Variants in TNFRSF9 observed in about 807,000 individuals in gnomAD.
The protein encoded by TNFRSF9 is tumor necrosis factor receptor superfamily member 9.
A neutral mutation model predicts 28.8 loss-of-function variants in TNFRSF9; 16 were observed. That is an observed-to-expected ratio of 0.55 (90% CI 0.38 to 0.84). The LOEUF (loss-of-function observed/expected upper bound fraction) is 0.84. Ranked by LOEUF, TNFRSF9 falls within the 40% of genes least tolerant of loss-of-function variation. The pLI is 0.00. For missense variants in TNFRSF9, 303 were observed against 315.0 expected, an observed-to-expected ratio of 0.96 and a Z score of 0.29; for synonymous variants, 131 against 117.0, an observed-to-expected ratio of 1.12 and a Z score of -0.77.
chr1:7,923,962 A>C (rs1477826469), intron 7 of TNFRSF9, among the ~76,000 whole-genome samples: 1 of 152,174 alleles, frequency 6.6e-6, no homozygotes, highest in African/African-American at 2.4e-5. Flanking sequence ...GAGACATACT[A>C]TGTTCCTGCA....
rs376451216 is a variant in TNFRSF9 at position 7,933,253 on chromosome 1, C to T, written c.588G>A (p.Ser196=). The change falls in exon 7 of 8, where the codon TCG becomes TCA. Residue 196 remains serine, a synonymous_variant. Transcript: ENST00000377507. The part of the protein sequence containing the change: ...QIISFFLALT[S]TALLFLLFFL... The stretch of plus-strand genomic sequence containing the variant: ...AGAACAGCAGGAAGAGCAACGCAGT[C>T]GACGTCAGCGCAAGAAAGAAGGAGA... 1.8e-5 allele frequency: 29 copies of T among 1,613,666 alleles called. No individual in the cohort carries two copies. Among genetic ancestry groups the T allele is most frequent in the African/African-American group, 1.2e-4 (9 of 74,884 alleles).
intron 7 of TNFRSF9, among the ~76,000 whole-genome samples, chr1:7,926,835 T>C (rs1341033474): frequency 1.3e-5 from 2 of 152,208 alleles, no homozygotes; most frequent in African/African-American, 4.8e-5. Context: ...TGTTTTCCAC[T>C]AGTGGTGCTA....
At position 7,935,006 on chromosome 1, in the gene TNFRSF9, C is replaced by A. The variant is rs1434417143; in HGVS notation, c.544+7G>T. The A allele has an allele frequency of 6.8e-6, 11 of 1,613,936 alleles. No homozygotes were observed. Among genetic ancestry groups the A allele is most frequent in the Non-Finnish European group, 9.3e-6 (11 of 1,179,944 alleles). ...CGCACTTTGGCGTAAAGGCATAGCC[C>A]AGTTACCTGGCTCTCTCGCAGGGGC... On this transcript the variant is annotated splice_region_variant and intron_variant, in intron 6 of 7. Transcript: ENST00000377507.
chr1:7,937,828 C>T, intron 4 of TNFRSF9, 72 bp from the exon 5 acceptor site: 2 of 1,346,182 alleles, frequency 1.5e-6, no homozygotes, highest in Non-Finnish European at 2.1e-6. Context: ...CTGTGATGAA[C>T]TTAATATAAG....
At chr1:7,939,432 T>A (rs1188794021) in intron 2 of TNFRSF9, among the ~76,000 whole-genome samples, 1 of 151,882 alleles carries the variant, frequency 6.6e-6, no homozygotes, top group Non-Finnish European at 1.5e-5. Context: ...AAAATGATTA[T>A]CTTGATTGAT....
Position 7,916,430 on chromosome 1 carries a change from A to T in TNFRSF9, c.*4405T>A, listed in dbSNP as rs542063225. The T allele has an allele frequency of 8.5e-5, 13 of 152,248 alleles. No individual in the cohort carries two copies. Among genetic ancestry groups the T allele is most frequent in the Non-Finnish European group, 1.9e-4 (13 of 68,044 alleles). 9.4% of individuals were successfully genotyped at this position (152,248 alleles called of 1,614,324 possible). On this transcript the variant is annotated 3_prime_UTR_variant, in exon 8 of 8. Coordinates refer to ENST00000377507, the MANE Select transcript of TNFRSF9 (RefSeq NM_001561.6). ...TACCAGAATAGGCTATGATAAAAAT[A>T]TCACAGTCTGTATCATAAACATAGC...
Position 7,938,824 on chromosome 1 carries a change from T to G in TNFRSF9, c.105A>C (p.Thr35=). The change falls in exon 3 of 8, where the codon ACA becomes ACC. Residue 35 remains threonine (T), a synonymous_variant. Transcript: ENST00000377507. ...TCTGATTCCTGTTATTATCACAGAA[T>G]GTACCTAAGAAAGGCAGACAATAGT... The part of the protein sequence containing the change: ...QDPCSNCPAG[T]FCDNNRNQIC... The G allele has an allele frequency of 1.9e-6, 3 of 1,611,290 alleles. No homozygotes were observed. The highest frequency in any genetic ancestry group is 1.1e-5 in the South Asian group (1 of 90,822).
chr1:7,931,090 C>A (rs1249009303), intron 7 of TNFRSF9, among the ~76,000 whole-genome samples: 2 of 152,128 alleles, frequency 1.3e-5, no homozygotes, highest in Non-Finnish European at 2.9e-5. Context: ...AACTATCCAC[C>A]CACCATATCG....
At chr1:7,927,385 A>G (rs1639669936) in intron 7 of TNFRSF9, among the ~76,000 whole-genome samples, 1 of 152,220 alleles carries the variant, frequency 6.6e-6, no homozygotes, top group South Asian at 2.1e-4. Context: ...TGCCTAATAA[A>G]TACGGAGGGC....
intron 2 of TNFRSF9, among the ~76,000 whole-genome samples, chr1:7,939,370 AT>A (rs1269598350): frequency 5.9e-5 from 9 of 151,910 alleles, no homozygotes; most frequent in Non-Finnish European, 1.0e-4. Flanking sequence ...AAAACCAGAT[AT>A]TGTAACAAAT....
At chr1:7,930,866 A>G (rs1301842534) in intron 7 of TNFRSF9, among the ~76,000 whole-genome samples, 1 of 152,214 alleles carries the variant, frequency 6.6e-6, no homozygotes, top group Admixed American at 6.5e-5. Context: ...AGAGCAAACC[A>G]CAGAATAGGA....
chr1:7,926,497 A>C (rs898623549), intron 7 of TNFRSF9, among the ~76,000 whole-genome samples: 1 of 152,174 alleles, frequency 6.6e-6, no homozygotes, highest in Non-Finnish European at 1.5e-5. Flanking sequence ...TAAAGATGTC[A>C]ATTTGCCCGA....
At chr1:7,933,333 A>G (rs1639764215) in intron 6 of TNFRSF9, 37 bp from the exon 7 acceptor site, 1 of 1,600,508 alleles carries the variant, frequency 6.2e-7, no homozygotes, top group African/African-American at 1.3e-5. Context: ...GCATGCAGAA[A>G]TGTGTTGACA....
chr1:7,934,947 C>A, intron 6 of TNFRSF9, 66 bp downstream of exon 6: 1 of 1,587,544 alleles, frequency 6.3e-7, no homozygotes, highest in Non-Finnish European at 8.6e-7. Flanking sequence ...GATATTGGGG[C>A]AATTTAGATA....
At position 7,938,213 on chromosome 1, in the gene TNFRSF9, C is replaced by T; in HGVS notation, c.326G>A (p.Gly109Asp). The change falls in exon 4 of 8, where the codon GGT (glycine) becomes GAT (aspartate). Residue 109 changes from glycine (G) to aspartate (D), a missense_variant. By Grantham distance (94) the Gly-to-Asp change is moderately conservative. Coordinates refer to ENST00000377507, the MANE Select transcript of TNFRSF9 (RefSeq NM_001561.6). Reference sequence around the variant, plus strand: ...CGTACCTTTTTTTGTCAGTTCTTGACCTTGTTTACAATCCTGTTCACACAT... The same window carrying T: ...CGTACCTTTTTTTGTCAGTTCTTGATCTTGTTTACAATCCTGTTCACACAT... ...CSMCEQDCKQGQELTKKGCKD... is the reference protein window; with the variant it reads ...CSMCEQDCKQDQELTKKGCKD... The T allele has an allele frequency of 6.3e-7, 1 of 1,598,032 alleles. No homozygotes were observed. The highest frequency in any genetic ancestry group is 8.5e-7 in the Non-Finnish European group (1 of 1,172,734).
rs538261970 is a variant in TNFRSF9, at chr1:7,915,907, T to C, written c.*4928A>G. The C allele has an allele frequency of 2.8e-4, 43 of 152,296 alleles. No homozygotes were observed. Among genetic ancestry groups the C allele is most frequent in the African/African-American group, 7.7e-4 (32 of 41,562 alleles). The allele number at this position is 152,296 out of a possible 1,614,324, so 9.4% of individuals were successfully genotyped here. On this transcript the variant is annotated 3_prime_UTR_variant, in exon 8 of 8. Transcript: ENST00000377507. ...TATTCTTTTTTTCCTGTGAACATCA[T>C]AGTTTTGTGTTTTATTAGATAGTCT...
intron 7 of TNFRSF9, among the ~76,000 whole-genome samples, chr1:7,928,465 G>A (rs1033732896): frequency 3.3e-5 from 5 of 152,194 alleles, no homozygotes; most frequent in African/African-American, 1.2e-4. Flanking sequence ...CAAGGAAAAA[G>A]AATTAACCAT....
At chr1:7,939,676 G>A (rs145901654) in intron 2 of TNFRSF9, among the ~76,000 whole-genome samples, 2 of 152,184 alleles carry the variant, frequency 1.3e-5, no homozygotes, top group South Asian at 2.1e-4. Flanking sequence ...TATAAAACAG[G>A]TTCTCTTATT....
chr1:7,935,226 A>T (rs1639799835), intron 5 of TNFRSF9, 83 bp from the exon 6 acceptor site: 2 of 1,477,448 alleles, frequency 1.4e-6, no homozygotes, highest in Non-Finnish European at 1.8e-6. Context: ...TTTTTCACCC[A>T]ATGAAGTAGC....
Sources: allele counts gnomAD v4.1 joint callset (sites outside exome capture counted in the v4.1 genomes callset), GRCh38; gene constraint gnomAD v4.1.1; transcripts MANE v1.5; gene names NCBI Gene and HGNC (gene_info 2026-07-23, HGNC 2026-07-21).